IFT122: variants seen among roughly 807,000 people sequenced by gnomAD.
IFT122 encodes the protein intraflagellar transport 122.
IFT122 carries 118 observed loss-of-function variants against 161.6 expected under a neutral mutation model. That is an observed-to-expected ratio of 0.73 (90% confidence interval 0.63 to 0.85). The LOEUF (loss-of-function observed/expected upper bound fraction) is 0.85. Ranked by LOEUF, IFT122 falls within the 40% of genes least tolerant of loss-of-function variation. IFT122 has a pLI of 0.00. For synonymous variants in IFT122, 550 were observed against 602.4 expected (o/e 0.91, Z 1.27); for missense variants, 1,381 against 1,579.6 (o/e 0.87, Z 2.13).
Position 129,517,594 on chromosome 3 carries a change from A to G in IFT122, c.3391A>G (p.Ser1131Gly), listed in dbSNP as rs775266843. Reference protein sequence around the residue: ...DDRQLEIANNSSQILRLVETK... With the variant: ...DDRQLEIANNGSQILRLVETK... ...CAGACAGCTAGAGATTGCAAACAAC[A>G]GTATCCATGCCCTTGGCCAGAGCCT... is the stretch of plus-strand genomic sequence containing the variant. Residue 1131 changes from serine to glycine, a missense_variant and splice_region_variant, in exon 27 of 30, where the codon AGC (serine) becomes GGC (glycine). By Grantham distance (56) the Ser-to-Gly change is moderately conservative. Coordinates refer to ENST00000348417, the MANE Select transcript of IFT122 (RefSeq NM_052989.3). 4 of 1,613,026 alleles carry G rather than the reference A, an allele frequency of 2.5e-6. No homozygotes were observed. The South Asian group carries it at 3.3e-5, about 13-fold the overall frequency.
At chr3:129,516,544 ACACACACAGATTGCTCCTG>A (rs1183085475) in intron 26 of IFT122, among the ~76,000 whole-genome samples, 2 of 114,290 alleles carry the variant, frequency 1.7e-5, no homozygotes, top group Admixed American at 1.8e-4. Context: ...CTGCCCCTGC[ACACACACAGATTGCTCCTG>A]CACACACACA....
chr3:129,508,485 T>C (rs1303359872), intron 23 of IFT122, among the ~76,000 whole-genome samples: 2 of 152,222 alleles, frequency 1.3e-5, no homozygotes, highest in African/African-American at 4.8e-5. Context: ...CAGATGAGAA[T>C]GAAGCCCTAG....
chr3:129,447,675 G>A (rs1486438193), intron 1 of IFT122, among the ~76,000 whole-genome samples: 1 of 152,004 alleles, frequency 6.6e-6, no homozygotes, highest in South Asian at 2.1e-4. Context: ...ACCACACCTG[G>A]CTAATTTTTG....
intron 4 of IFT122, chr3:129,459,523 A>G: frequency 4.2e-6 from 1 of 240,030 alleles, no homozygotes; most frequent in Non-Finnish European, 8.4e-6. Context: ...TCTCCTGACT[A>G]CATCTATTTT....
rs750632049 is a variant in IFT122, at chr3:129,483,604, G to A, written c.1773G>A (p.Gln591=). Reference sequence around the variant, plus strand: ...TCCCTGTGCACCGGCAGAAGCTGCAGGGCTTTGTGGTCGGCTACAATGGCT... The same window carrying A: ...TCCCTGTGCACCGGCAGAAGCTGCAAGGCTTTGTGGTCGGCTACAATGGCT... ...STFPVHRQKL[Q]GFVVGYNGSK... Residue 591 remains glutamine, a synonymous_variant, in exon 15 of 30, where the codon CAG becomes CAA. Coordinates refer to ENST00000348417, the MANE Select transcript of IFT122 (RefSeq NM_052989.3). The A allele has an allele frequency of 2.6e-5, 42 of 1,613,926 alleles. 1 individual carries two copies. In the South Asian group the frequency reaches 4.5e-4, roughly 17 times the overall value.
At chr3:129,503,713 G>A (rs1369803952) in intron 20 of IFT122, among the ~76,000 whole-genome samples, 1 of 152,104 alleles carries the variant, frequency 6.6e-6, no homozygotes, top group African/African-American at 2.4e-5. Context: ...GTGGGGCTAG[G>A]GACAGAGGCA....
At position 129,488,295 on chromosome 3, in the gene IFT122, C is replaced by G; in HGVS notation, c.1890C>G (p.Phe630Leu). The G allele has an allele frequency of 1.9e-6, 3 of 1,614,164 alleles. No homozygotes were observed. The highest frequency in any genetic ancestry group is 2.5e-6 in the Non-Finnish European group (3 of 1,180,026). ...ACCAGTACCTGGATAGGAAACTGTT[C>G]AAGGAAGCCTACCAGATTGCTTGCT... ...PMYQYLDRKL[F>L]KEAYQIACLG... is the part of the protein sequence containing the mutation. The change falls in exon 16 of 30, where the codon TTC (phenylalanine) becomes TTG (leucine). Residue 630 changes from phenylalanine to leucine, a missense_variant. Physicochemically the swap from Phe to Leu is conservative, Grantham distance 22. Around this residue, in one of 7 missense-constraint regions of IFT122, gnomAD observed 544 missense variants for 648.0 expected, o/e 0.84. Transcript: ENST00000348417.
chr3:129,452,162 T>A (rs2074931819), intron 3 of IFT122, 164 bp downstream of exon 3: 2 of 637,626 alleles, frequency 3.1e-6, no homozygotes, highest in East Asian at 6.0e-5. Context: ...ATCTAGCAAG[T>A]ATTTATTGAG....
At chr3:129,487,385 C>G (rs1473409361) in intron 15 of IFT122, 2 of 152,344 alleles carry the variant, frequency 1.3e-5, no homozygotes, top group Non-Finnish European at 2.9e-5. Context: ...TGGGACAGGT[C>G]ATTTGTCCTC....
intron 22 of IFT122, 143 bp from the exon 23 acceptor site, chr3:129,507,525 G>A: frequency 1.3e-6 from 1 of 746,308 alleles, no homozygotes; most frequent in South Asian, 1.4e-5. Flanking sequence ...ACTACACTTT[G>A]TCCCTCACCC....
intron 14 of IFT122, 95 bp downstream of exon 14, chr3:129,481,789 C>T (rs2078679869): frequency 1.4e-6 from 2 of 1,400,586 alleles, no homozygotes; most frequent in South Asian, 1.2e-5. Context: ...TGCTCTGGCC[C>T]AGGCAGGTCT....
At chr3:129,506,888 A>T (rs2082246062) in intron 22 of IFT122, among the ~76,000 whole-genome samples, 1 of 152,184 alleles carries the variant, frequency 6.6e-6, no homozygotes, top group African/African-American at 2.4e-5. Flanking sequence ...TGAACGAGAG[A>T]TGGCTTTACA....
chr3:129,500,146 A>C, intron 19 of IFT122, 78 bp downstream of exon 19: 2 of 1,507,448 alleles, frequency 1.3e-6, no homozygotes, highest in Non-Finnish European at 1.8e-6. Flanking sequence ...AAGGGAACCA[A>C]TAGTGCTTTT....
At chr3:129,471,311 G>C (rs1366908782) in intron 9 of IFT122, among the ~76,000 whole-genome samples, 1 of 152,198 alleles carries the variant, frequency 6.6e-6, no homozygotes, top group Non-Finnish European at 1.5e-5. Context: ...AGCAGATAAT[G>C]AAGTATTTTC....
intron 14 of IFT122, 94 bp from the exon 15 acceptor site, chr3:129,483,391 A>G: frequency 3.9e-6 from 4 of 1,035,408 alleles, no homozygotes; most frequent in East Asian, 2.4e-5. Context: ...ATTTAGTGGG[A>G]TTCAGTCTTT....
chr3:129,489,648 G>T (rs1310934668), intron 16 of IFT122, among the ~76,000 whole-genome samples: 1 of 151,972 alleles, frequency 6.6e-6, no homozygotes, highest in African/African-American at 2.4e-5. Flanking sequence ...GACCATCCTG[G>T]CTAACACGGT....
At chr3:129,471,212 G>A (rs966235678) in intron 9 of IFT122, among the ~76,000 whole-genome samples, 1 of 152,186 alleles carries the variant, frequency 6.6e-6, no homozygotes, top group Admixed American at 6.5e-5. Context: ...AGTTTTAGAT[G>A]TGTGTAGCCC....
intron 19 of IFT122, among the ~76,000 whole-genome samples, chr3:129,502,468 G>GAT (rs2081677381): frequency 6.6e-6 from 1 of 152,164 alleles, no homozygotes; most frequent in Admixed American, 6.5e-5. Context: ...TACCCTGCTG[G>GAT]ATAGCTCAGT....
Position 129,514,469 on chromosome 3 carries a change from G to A in IFT122, c.3068G>A (p.Arg1023His), listed in dbSNP as rs753932809. 24 of 1,614,064 alleles carry A rather than the reference G, an allele frequency of 1.5e-5. No individual in the cohort carries two copies. The highest frequency in any genetic ancestry group is 1.6e-4 in the Middle Eastern group (1 of 6,084). ...RLARHAYDKL[R>H]GLYIPARFQK... ...GCCCGGCACGCCTATGACAAGCTGCGTGGCCTGTACATCCCTGCCAGATTC... is the reference window on the plus strand; with the variant it reads ...GCCCGGCACGCCTATGACAAGCTGCATGGCCTGTACATCCCTGCCAGATTC... Residue 1023 changes from arginine to histidine, a missense_variant, in exon 25 of 30, where the codon CGT (arginine) becomes CAT (histidine). By Grantham distance (29) the Arg-to-His change is conservative. This residue lies in a region of IFT122 where 496 missense variants were observed against 502.5 expected (regional missense o/e 0.99). Coordinates refer to ENST00000348417, the MANE Select transcript of IFT122 (RefSeq NM_052989.3).
Sources: gnomAD v4.1 joint callset for allele counts (sites outside exome capture counted in the v4.1 genomes callset) on GRCh38, gnomAD v4.1.1 for gene constraint, gnomAD v4.1.1 regional missense constraint, MANE v1.5 for transcripts, NCBI Gene and HGNC (gene_info 2026-07-23, HGNC 2026-07-21) for gene names.